Variants in NOTUM observed in about 807,000 individuals in gnomAD.
NOTUM encodes the protein notum, palmitoleoyl-protein carboxylesterase, also known as palmitoleoyl-protein carboxylesterase NOTUM.
Under a neutral mutation model 65.5 loss-of-function variants are expected in NOTUM, and 36 were observed. The observed-to-expected ratio is 0.55, with a 90% CI of 0.42 to 0.73. The LOEUF is 0.73. NOTUM is among the 30% of genes least tolerant of loss of function. NOTUM has a pLI of 0.00. For synonymous variants in NOTUM, 356 were observed against 297.9 expected (o/e 1.20, Z -2.01); for missense variants, 659 against 694.2 (o/e 0.95, Z 0.57).
intron 3 of NOTUM, chr17:81,959,203 T>C: frequency 6.5e-6 from 4 of 619,750 alleles, no homozygotes. Context: ...GGTGCCCGGC[T>C]AGGCTGGACA....
intron 3 of NOTUM, 74 bp from the exon 4 acceptor site, chr17:81,959,069 G>T: frequency 7.8e-7 from 1 of 1,287,498 alleles, no homozygotes. Context: ...ACCCTGGTGA[G>T]GTGTTGGGGC....
At position 81,958,980 on chromosome 17, in the gene NOTUM, G is replaced by A. The variant is rs1048088318; in HGVS notation, c.488C>T (p.Ser163Phe). ...PRTRTGTGILSSQPEENPYWW... is the reference protein window; with the variant it reads ...PRTRTGTGILFSQPEENPYWW... ...GTAGGGGTTCTCCTCCGGCTGTGAGGACAGGATCCCTGTGCCTGGGGACAC... is the reference window on the plus strand; with the variant it reads ...GTAGGGGTTCTCCTCCGGCTGTGAGAACAGGATCCCTGTGCCTGGGGACAC... The change falls in exon 4 of 11, where the codon TCC becomes TTC. Residue 163 changes from serine to phenylalanine, a missense_variant. Transcript: ENST00000409678. 7 of 1,613,064 alleles carry A rather than the reference G, an allele frequency of 4.3e-6. No homozygotes were observed. The highest frequency in any genetic ancestry group is 5.9e-6 in the Non-Finnish European group (7 of 1,179,718).
chr17:81,954,899 G>A (rs1024281223), intron 9 of NOTUM, among the ~76,000 whole-genome samples: 1 of 152,138 alleles, frequency 6.6e-6, no homozygotes. Context: ...TTATAGGCGT[G>A]AGCCAGTGTG....
intron 10 of NOTUM, among the ~76,000 whole-genome samples, chr17:81,953,642 C>T (rs1279363542): frequency 6.6e-6 from 1 of 151,416 alleles, no homozygotes; most frequent in Non-Finnish European, 1.5e-5. Context: ...CTCCCTCTGC[C>T]TGTCAGGCTA....
Position 81,960,935 on chromosome 17 carries a change from G to A in NOTUM, c.-26C>T. On this transcript the variant is annotated 5_prime_UTR_variant, in exon 1 of 11. Transcript: ENST00000409678. The surrounding 1 kb of genome is among the most constrained non-coding windows in gnomAD (Gnocchi z 6.4). ...GGCCGCGTCCACCTGCGGGGAGCGGGCGGCCTTGAGGCGGCGGCGGCGGCG... is the reference window on the plus strand; with the variant it reads ...GGCCGCGTCCACCTGCGGGGAGCGGACGGCCTTGAGGCGGCGGCGGCGGCG... The A allele has an allele frequency of 2.5e-6, 3 of 1,208,480 alleles. No individual in the cohort carries two copies. Among genetic ancestry groups the A allele is most frequent in the Non-Finnish European group, 3.1e-6 (3 of 971,816 alleles). 74.9% of individuals were successfully genotyped at this position (1,208,480 alleles called of 1,614,324 possible).
At chr17:81,957,379 C>T (rs543394501) in intron 6 of NOTUM, among the ~76,000 whole-genome samples, 2 of 152,256 alleles carry the variant, frequency 1.3e-5, no homozygotes, top group South Asian at 4.1e-4. Flanking sequence ...AACTATGTGG[C>T]CTCAGGCCCC....
intron 6 of NOTUM, among the ~76,000 whole-genome samples, chr17:81,957,500 G>A (rs989676493): frequency 2.0e-5 from 3 of 152,074 alleles, no homozygotes; most frequent in Admixed American, 6.5e-5. Context: ...TTAGTCCATG[G>A]CCAACCCCTA....
rs747320241 is a variant in NOTUM, at chr17:81,956,699, G to A, written c.939C>T (p.Gly313=). 1.1e-5 allele frequency: 18 copies of A among 1,612,774 alleles called. No individual in the cohort carries two copies. Among genetic ancestry groups the A allele is most frequent in the Admixed American group, 1.7e-5 (1 of 59,974 alleles). The change falls in exon 8 of 11, where the codon GGC becomes GGT. Residue 313 remains glycine, a synonymous_variant. Transcript: ENST00000409678. The part of the protein sequence containing the change: ...PERCRRQFQE[G]EEWNCFFGYK... ...AGCCAAAGAAGCAGTTCCACTCCTC[G>A]CCCTCCTGGAACTGGCGTCGGCAGC...
rs773537242 is a variant in NOTUM, at chr17:81,956,930, G to A, written c.840C>T (p.Val280=). The A allele has an allele frequency of 1.6e-5, 25 of 1,612,768 alleles. No individual in the cohort carries two copies. Among genetic ancestry groups the A allele is most frequent in the Admixed American group, 1.0e-4 (6 of 59,990 alleles). Reference sequence around the variant, plus strand: ...CCGTGGGCGCGCACGTGATCGTGTCGACGCAGTCTGTGTGGCGATACTGCT... The same window carrying A: ...CCGTGGGCGCGCACGTGATCGTGTCAACGCAGTCTGTGTGGCGATACTGCT... ...DNKQYRHTDC[V]DTITCAPTEA... is the part of the protein sequence containing the mutation. Residue 280 remains valine (V), a synonymous_variant, in exon 7 of 11, where the codon GTC becomes GTT. Transcript: ENST00000409678.
intron 8 of NOTUM, among the ~76,000 whole-genome samples, 191 bp from the exon 9 acceptor site, chr17:81,955,735 C>A (rs559268110): frequency 1.6e-5 from 2 of 123,418 alleles, no homozygotes; most frequent in South Asian, 6.2e-4. Flanking sequence ...GCAGTGCCCC[C>A]CACCCCAGGC....
chr17:81,954,269 T>G lies in NOTUM; in HGVS notation c.1171A>C (p.Ile391Leu). 6.2e-7 allele frequency: 1 copy of G among 1,612,884 alleles called. No individual in the cohort carries two copies. The highest frequency in any genetic ancestry group is 8.5e-7 in the Non-Finnish European group (1 of 1,178,916). ...AGGGACACTGACCTCCGGATGATGA[T>G]CTCATGGGAGAGGCAGGCGGGGGCA... ...SFAPACLSHE[I>L]IIRSHWTDVQ... Residue 391 changes from isoleucine to leucine, a missense_variant, in exon 10 of 11, where the codon ATC (isoleucine) becomes CTC (leucine). Physicochemically the swap from Ile to Leu is conservative, Grantham distance 5. Transcript: ENST00000409678.
At position 81,953,475 on chromosome 17, in the gene NOTUM, T is replaced by C. The variant is rs563591255; in HGVS notation, c.1185-208A>G. 2.0e-5 allele frequency among the ~76,000 whole-genome samples: 3 copies of C among 151,816 alleles called. No individual in the cohort carries two copies. The East Asian group carries it at 5.8e-4, about 30-fold the overall frequency. Reference sequence around the variant, plus strand: ...CGAGACTGGCTAATTTTTTGTATTTTCAGTAGAGATGGGGTTTCACTATGT... The same window carrying C: ...CGAGACTGGCTAATTTTTTGTATTTCCAGTAGAGATGGGGTTTCACTATGT... On this transcript the variant is annotated intron_variant, in intron 10 of 10. Transcript: ENST00000409678.
Position 81,956,665 on chromosome 17 carries a change from A to G in NOTUM, c.973T>C (p.Tyr325His). 1.2e-6 allele frequency: 2 copies of G among 1,611,836 alleles called. No individual in the cohort carries two copies. Among genetic ancestry groups the G allele is most frequent in the Non-Finnish European group, 1.7e-6 (2 of 1,178,826 alleles). The change falls in exon 8 of 11, where the codon TAC (tyrosine) becomes CAC (histidine). Residue 325 changes from tyrosine to histidine, a missense_variant. By Grantham distance (83) the Tyr-to-His change is moderately conservative. Coordinates refer to ENST00000409678, the MANE Select transcript of NOTUM (RefSeq NM_178493.6). Reference sequence around the variant, plus strand: ...GCCCACTCACAGCGCAGGGTCGGGTAGACCTTGTAGCCAAAGAAGCAGTTC... The same window carrying G: ...GCCCACTCACAGCGCAGGGTCGGGTGGACCTTGTAGCCAAAGAAGCAGTTC... ...EWNCFFGYKV[Y>H]PTLRCPVFVV...
At chr17:81,959,601 C>G (rs1229414915) in intron 2 of NOTUM, 35 bp from the exon 3 acceptor site, 7 of 1,546,670 alleles carry the variant, frequency 4.5e-6, no homozygotes, top group African/African-American at 4.1e-5. Flanking sequence ...CCCGCGCGCA[C>G]AGACCCCCGG....
chr17:81,957,763 C>G, intron 6 of NOTUM, 43 bp downstream of exon 6: 1 of 1,383,388 alleles, frequency 7.2e-7, no homozygotes, highest in Non-Finnish European at 1.0e-6. Flanking sequence ...ACCCTGCACA[C>G]CGTCCTCACC....
rs1028952895 is a variant in NOTUM at position 81,958,510 on chromosome 17, G to A, written c.534-117C>T. On this transcript the variant is annotated intron_variant, in intron 4 of 10. Coordinates refer to ENST00000409678, the MANE Select transcript of NOTUM (RefSeq NM_178493.6). ...ATCCCAGGACAGGATTCCCCTGGAAGGACCATCCCAGGATAGAACTTCCCC... is the reference window on the plus strand; with the variant it reads ...ATCCCAGGACAGGATTCCCCTGGAAAGACCATCCCAGGATAGAACTTCCCC... The A allele has an allele frequency of 2.2e-5, 16 of 727,620 alleles. No individual in the cohort carries two copies. The East Asian group carries it at 3.8e-4, about 17-fold the overall frequency. The allele number at this position is 727,620 out of a possible 1,614,324, so 45.1% of individuals were successfully genotyped here. A position where few individuals can be genotyped will look rare whatever the true frequency, so the allele number is the denominator to read the frequency against.
In NOTUM at chr17:81,953,081, C is replaced by T. The variant is rs199895157; in HGVS notation, c.1371G>A (p.Thr457=). 35 of 1,613,972 alleles carry T rather than the reference C, an allele frequency of 2.2e-5. No individual in the cohort carries two copies. The African/African-American group carries it at 2.5e-4, about 12-fold the overall frequency. Residue 457 remains threonine, a synonymous_variant, in exon 11 of 11, where the codon ACG becomes ACA. Transcript: ENST00000409678. ...ACTGGGCCACGTTCATCTCTTGCCC[C>T]GTGAACTGGTCTCGGACGGTGGGGC... ...PSCPTVRDQF[T]GQEMNVAQFL... is the part of the protein sequence containing the mutation.
chr17:81,960,996 G>C lies in NOTUM; in HGVS notation c.-87C>G, dbSNP rs1312204171. The stretch of plus-strand genomic sequence containing the variant: ...CCGGGCCGGGGGTGCCGGGCCGGGG[G>C]TGTCGGGGGCACTGGCCGCTCCTGC... On this transcript the variant is annotated 5_prime_UTR_variant, in exon 1 of 11. Transcript: ENST00000409678. The surrounding 1 kb of genome is among the most constrained non-coding windows in gnomAD (Gnocchi z 6.4). 4.4e-6 allele frequency: 3 copies of C among 674,858 alleles called. No individual in the cohort carries two copies. The highest frequency in any genetic ancestry group is 5.6e-4 in the Middle Eastern group (1 of 1,798). The allele number at this position is 674,858 out of a possible 1,614,324, so 41.8% of individuals were successfully genotyped here.
chr17:81,953,767 T>C (rs2041406370), intron 10 of NOTUM, among the ~76,000 whole-genome samples: 1 of 140,026 alleles, frequency 7.1e-6, no homozygotes, highest in Non-Finnish European at 1.5e-5. Flanking sequence ...CTGCTCAGCC[T>C]GAGTCTTTTT....
Sources: allele counts gnomAD v4.1 joint callset (sites outside exome capture counted in the v4.1 genomes callset), GRCh38; gene constraint gnomAD v4.1.1; non-coding constraint Gnocchi (gnomAD v3.1); transcripts MANE v1.5; gene names NCBI Gene and HGNC (gene_info 2026-07-23, HGNC 2026-07-21).